The following EIF2B3 variants were observed in gnomAD, a reference collection of about 807,000 sequenced individuals.
EIF2B3 encodes the protein translation initiation factor eIF2B subunit gamma.
In EIF2B3, 20 loss-of-function variants were observed where a neutral mutation model predicts 54.1. The ratio of observed to expected loss-of-function variants is 0.37; its 90% confidence interval spans 0.26 to 0.54. EIF2B3 has a LOEUF of 0.54. Ranked by LOEUF, EIF2B3 falls within the 20% of genes least tolerant of loss-of-function variation. The probability of loss-of-function intolerance (pLI) is 0.86; values close to 1 mark genes in which losing one functional copy is unlikely to be tolerated. For missense variants in EIF2B3, 448 were observed against 547.8 expected, an observed-to-expected ratio of 0.82 and a Z score of 1.82; for synonymous variants, 153 against 188.1, an observed-to-expected ratio of 0.81 and a Z score of 1.52.
Position 44,939,259 on chromosome 1 carries a change from T to G in EIF2B3, c.454+2247A>C, listed in dbSNP as rs190195330. Among the ~76,000 whole-genome samples, 840 of 152,272 alleles carry G rather than the reference T, an allele frequency of 5.5e-3. 3 individuals are homozygous for G. Among genetic ancestry groups the G allele is most frequent in the Middle Eastern group, 0.014 (4 of 294 alleles). On this transcript the variant is annotated intron_variant, in intron 4 of 11. Coordinates refer to ENST00000360403, the MANE Select transcript of EIF2B3 (RefSeq NM_020365.5). ...TCTTTCGTCTGATATCTGGCTCTTC[T>G]CCAGTCCTATCTGCTTCTCTGCCTC...
chr1:44,896,457 AT>A (rs1655975326), intron 6 of EIF2B3, among the ~76,000 whole-genome samples: 1 of 152,204 alleles, frequency 6.6e-6, no homozygotes, highest in African/African-American at 2.4e-5. Context: ...TCCGATATAT[AT>A]TCAAGTCCAT....
At chr1:44,863,566 TA>T (rs1486320527) in intron 10 of EIF2B3, among the ~76,000 whole-genome samples, 1 of 152,050 alleles carries the variant, frequency 6.6e-6, no homozygotes, top group Non-Finnish European at 1.5e-5. Flanking sequence ...ATATTTTAAG[TA>T]TAGAAAAAAA....
chr1:44,878,161 C>T (rs142771397), intron 8 of EIF2B3, among the ~76,000 whole-genome samples: 45 of 152,318 alleles, frequency 3.0e-4, no homozygotes, highest in Non-Finnish European at 5.1e-4. Flanking sequence ...TTGGGACTCC[C>T]TTGGATCTGT....
intron 5 of EIF2B3, among the ~76,000 whole-genome samples, chr1:44,921,281 G>A (rs921301122): frequency 1.3e-5 from 2 of 152,088 alleles, no homozygotes; most frequent in African/African-American, 2.4e-5. Flanking sequence ...TCTATATTCT[G>A]GTTATTAATC....
chr1:44,907,491 G>T (rs980547904), intron 5 of EIF2B3, among the ~76,000 whole-genome samples: 2 of 152,226 alleles, frequency 1.3e-5, no homozygotes, highest in Admixed American at 6.5e-5. Flanking sequence ...CAGGAAGTCA[G>T]AGGTGGCAGT....
chr1:44,930,745 A>G (rs554801230), intron 4 of EIF2B3, among the ~76,000 whole-genome samples: 111 of 152,290 alleles, frequency 7.3e-4, no homozygotes, highest in Middle Eastern at 3.4e-3. Context: ...GGTTCAAGCA[A>G]TTCTCCTGCC....
At chr1:44,921,798 T>C (rs1402594361) in intron 5 of EIF2B3, among the ~76,000 whole-genome samples, 2 of 152,152 alleles carry the variant, frequency 1.3e-5, no homozygotes, top group Non-Finnish European at 2.9e-5. Flanking sequence ...AGCTCTGTAG[T>C]ATAATTTGAA....
rs576288590 is a variant in EIF2B3, at chr1:44,978,917, G to A, written c.149-457C>T. ...CTCCCCAAGTGTTGTGATTACAGAC[G>A]TGAACCACTGCATCTGGCCTCCCCC... On this transcript the variant is annotated intron_variant, in intron 2 of 11. Coordinates refer to ENST00000360403, the MANE Select transcript of EIF2B3 (RefSeq NM_020365.5). Among the ~76,000 whole-genome samples, 3 of 151,802 alleles carry A rather than the reference G, an allele frequency of 2.0e-5. No individual in the cohort carries two copies. The South Asian group carries it at 6.2e-4, about 32-fold the overall frequency.
intron 3 of EIF2B3, among the ~76,000 whole-genome samples, chr1:44,942,397 A>ATGTG (rs1644036864): frequency 7.2e-5 from 1 of 13,948 alleles, no homozygotes; most frequent in African/African-American, 5.0e-4. Flanking sequence ...ATATATATAT[A>ATGTG]TATATATATA....
At position 44,877,192 on chromosome 1, in the gene EIF2B3, TAAAAAAA is replaced by T. The variant is rs768263508; in HGVS notation, c.976-1504_976-1498del. On this transcript the variant is annotated intron_variant, in intron 8 of 11. Coordinates refer to ENST00000360403, the MANE Select transcript of EIF2B3 (RefSeq NM_020365.5). ...GCGAGAAACACCCAAGAATGATCAATAAAAAAAAAAAAAAAAAAAAAAAAAAAAAACA... is the reference window on the plus strand; with the variant it reads ...GCGAGAAACACCCAAGAATGATCAATAAAAAAAAAAAAAAAAAAAAAAACA... Among the ~76,000 whole-genome samples, 21 of 52,076 alleles carry T rather than the reference TAAAAAAA, an allele frequency of 4.0e-4. No individual in the cohort carries two copies. The East Asian group carries it at 5.7e-3, about 14-fold the overall frequency. The allele number at this position is 52,076 out of a possible 152,430, so 34.2% of individuals were successfully genotyped here.
intron 8 of EIF2B3, among the ~76,000 whole-genome samples, chr1:44,879,608 T>C (rs983188130): frequency 6.6e-6 from 1 of 152,196 alleles, no homozygotes; most frequent in Non-Finnish European, 1.5e-5. Flanking sequence ...CCTGGAGCCA[T>C]AGAGGCCCTG....
intron 10 of EIF2B3, among the ~76,000 whole-genome samples, chr1:44,867,695 T>A (rs1439531998): frequency 6.6e-6 from 1 of 152,032 alleles, no homozygotes; most frequent in African/African-American, 2.4e-5. Flanking sequence ...AAAAAGTTCA[T>A]ATGGGATGTA....
chr1:44,942,859 A>AT (rs1457962786), intron 3 of EIF2B3, among the ~76,000 whole-genome samples: 7 of 151,330 alleles, frequency 4.6e-5, no homozygotes, highest in Non-Finnish European at 8.8e-5. Context: ...ATTTTATTTT[A>AT]TTTATTTATT....
chr1:44,921,256 G>C (rs944130339), intron 5 of EIF2B3, among the ~76,000 whole-genome samples: 49 of 152,122 alleles, frequency 3.2e-4, no homozygotes, highest in Admixed American at 6.5e-5. Flanking sequence ...CTCCTATAGA[G>C]TTGTTTGAGC....
intron 3 of EIF2B3, among the ~76,000 whole-genome samples, chr1:44,948,180 A>C (rs2148946751): frequency 6.6e-6 from 1 of 152,382 alleles, no homozygotes; most frequent in South Asian, 2.1e-4. Flanking sequence ...GGAAATGACC[A>C]ACTCAGTCAG....
intron 3 of EIF2B3, among the ~76,000 whole-genome samples, chr1:44,948,461 A>G (rs951349641): frequency 6.6e-6 from 1 of 152,046 alleles, no homozygotes; most frequent in Admixed American, 6.6e-5. Flanking sequence ...TTTCTACTGC[A>G]TATGTCTTTT....
At chr1:44,861,994 C>A (rs749812299) in intron 10 of EIF2B3, among the ~76,000 whole-genome samples, 3 of 152,184 alleles carry the variant, frequency 2.0e-5, no homozygotes, top group Non-Finnish European at 4.4e-5. Flanking sequence ...GGATCAAGGA[C>A]TTTACTGGGA....
At chr1:44,961,252 G>A (rs142195958) in intron 3 of EIF2B3, among the ~76,000 whole-genome samples, 1,560 of 150,526 alleles carry the variant, frequency 0.01, 30 homozygotes, top group African/African-American at 0.036. Flanking sequence ...AGGAAGACGA[G>A]GCTGCAGTGA....
chr1:44,910,582 C>T (rs956961763), intron 5 of EIF2B3, among the ~76,000 whole-genome samples: 4 of 142,268 alleles, frequency 2.8e-5, no homozygotes, highest in Non-Finnish European at 6.0e-5. Flanking sequence ...TAACAGGTGT[C>T]TTTGAAATCA....
Sources: allele counts gnomAD v4.1 joint callset (sites outside exome capture counted in the v4.1 genomes callset), GRCh38; gene constraint gnomAD v4.1.1; transcripts MANE v1.5; gene names NCBI Gene and HGNC (gene_info 2026-07-23, HGNC 2026-07-21).